FAM117B: variants seen among roughly 807,000 people sequenced by gnomAD.
FAM117B encodes the protein protein FAM117B.
Under a neutral mutation model 52.8 loss-of-function variants are expected in FAM117B, and 22 were observed. The observed-to-expected ratio is 0.42, with a 90% CI of 0.30 to 0.59. The LOEUF (loss-of-function observed/expected upper bound fraction) is 0.59. FAM117B is among the 20% of genes least tolerant of loss of function. The pLI, the probability that FAM117B is intolerant of heterozygous loss-of-function variation, is 0.22. For synonymous variants in FAM117B, 309 were observed against 324.1 expected (o/e 0.95, Z 0.50); for missense variants, 678 against 802.6 (o/e 0.84, Z 1.88).
At chr2:202,763,607 A>G (rs1691932302) in intron 7 of FAM117B, among the ~76,000 whole-genome samples, 1 of 152,208 alleles carries the variant, frequency 6.6e-6, no homozygotes, top group Non-Finnish European at 1.5e-5. Context: ...ATGCTCTCAG[A>G]TGATAAAAAT....
chr2:202,640,126 A>G (rs940646766), intron 1 of FAM117B, among the ~76,000 whole-genome samples: 1 of 150,574 alleles, frequency 6.6e-6, no homozygotes, highest in Non-Finnish European at 1.5e-5. Context: ...AAAAAATTAG[A>G]CAGGTGTGGT....
At chr2:202,688,401 T>C (rs1690575752) in intron 1 of FAM117B, among the ~76,000 whole-genome samples, 1 of 152,140 alleles carries the variant, frequency 6.6e-6, no homozygotes, top group South Asian at 2.1e-4. Flanking sequence ...GAAGTTTAGA[T>C]AGTGGATGAA....
At chr2:202,735,106 A>C (rs1212674811) in intron 4 of FAM117B, among the ~76,000 whole-genome samples, 1 of 152,160 alleles carries the variant, frequency 6.6e-6, no homozygotes, top group African/African-American at 2.4e-5. Flanking sequence ...GAGTATTACA[A>C]ATGCTTCATT....
chr2:202,679,184 T>A (rs976218884), intron 1 of FAM117B, among the ~76,000 whole-genome samples: 1 of 152,200 alleles, frequency 6.6e-6, no homozygotes, highest in Non-Finnish European at 1.5e-5. Context: ...AGATATTAGA[T>A]TACAGGCATT....
intron 1 of FAM117B, 31 bp downstream of exon 1, chr2:202,635,819 A>T: frequency 7.1e-7 from 1 of 1,398,766 alleles, no homozygotes; most frequent in Non-Finnish European, 9.3e-7. Flanking sequence ...AGCAAGGGGG[A>T]GGCGGCTGCG....
At chr2:202,673,532 C>T (rs998301533) in intron 1 of FAM117B, among the ~76,000 whole-genome samples, 11 of 143,196 alleles carry the variant, frequency 7.7e-5, no homozygotes, top group African/African-American at 2.6e-4. Flanking sequence ...ACTGCAACCT[C>T]CGCCTCCTGG....
At chr2:202,717,486 G>A (rs1691077528) in intron 2 of FAM117B, among the ~76,000 whole-genome samples, 1 of 152,084 alleles carries the variant, frequency 6.6e-6, no homozygotes, top group Non-Finnish European at 1.5e-5. Flanking sequence ...ACAAATCATA[G>A]GTGTTGTAAT....
chr2:202,708,252 C>A (rs1258833855), intron 2 of FAM117B, among the ~76,000 whole-genome samples: 2 of 152,198 alleles, frequency 1.3e-5, no homozygotes, highest in Non-Finnish European at 1.5e-5. Flanking sequence ...CCCTAGCAAT[C>A]ACCATTCCAT....
chr2:202,655,012 G>C (rs1249709090), intron 1 of FAM117B, among the ~76,000 whole-genome samples: 1 of 152,040 alleles, frequency 6.6e-6, no homozygotes, highest in African/African-American at 2.4e-5. Context: ...CCAGGATTAA[G>C]ATTATTTGTT....
chr2:202,673,489 C>T (rs1243433010), intron 1 of FAM117B, among the ~76,000 whole-genome samples: 1 of 113,142 alleles, frequency 8.8e-6, no homozygotes, highest in Non-Finnish European at 1.6e-5. Context: ...GCTCTGTCGT[C>T]CAGGCTGGAG....
At chr2:202,648,522 C>A (rs1486520644) in intron 1 of FAM117B, among the ~76,000 whole-genome samples, 4 of 127,322 alleles carry the variant, frequency 3.1e-5, no homozygotes, top group African/African-American at 1.1e-4. Flanking sequence ...GTCCCCACCC[C>A]CCCCCCAAAA....
At chr2:202,658,999 C>T (rs1329447199) in intron 1 of FAM117B, among the ~76,000 whole-genome samples, 1 of 151,776 alleles carries the variant, frequency 6.6e-6, no homozygotes, top group Non-Finnish European at 1.5e-5. Flanking sequence ...GAGGCTCTTT[C>T]CTGTCTTTTT....
chr2:202,641,479 G>GGAGTTGCCATTT (rs1368049790), intron 1 of FAM117B, among the ~76,000 whole-genome samples: 3 of 152,144 alleles, frequency 2.0e-5, no homozygotes, highest in African/African-American at 7.2e-5. Flanking sequence ...TTCAGACCCT[G>GGAGTTGCCATTT]GAGTTGCCAT....
chr2:202,684,954 G>T (rs1480571921), intron 1 of FAM117B, among the ~76,000 whole-genome samples: 1 of 151,974 alleles, frequency 6.6e-6, no homozygotes, highest in Non-Finnish European at 1.5e-5. Context: ...TTATCTAAGA[G>T]AAAAGAAGGT....
chr2:202,706,168 C>T (rs142777407), intron 2 of FAM117B, among the ~76,000 whole-genome samples: 3 of 152,260 alleles, frequency 2.0e-5, no homozygotes, highest in East Asian at 1.9e-4. Flanking sequence ...GGACTACAGT[C>T]GCATGCCCCC....
intron 1 of FAM117B, among the ~76,000 whole-genome samples, chr2:202,638,698 G>T (rs1326708047): frequency 1.3e-5 from 2 of 152,196 alleles, no homozygotes; most frequent in Non-Finnish European, 2.9e-5. Context: ...GCCAGGCGCG[G>T]TGGCTCACAG....
intron 6 of FAM117B, 67 bp from the exon 7 acceptor site, chr2:202,759,166 T>A: frequency 6.4e-7 from 1 of 1,571,664 alleles, no homozygotes; most frequent in South Asian, 1.2e-5. Context: ...GGTGGGCTAG[T>A]CCAAGAACAA....
At chr2:202,662,557 T>A (rs1168458417) in intron 1 of FAM117B, among the ~76,000 whole-genome samples, 1 of 152,104 alleles carries the variant, frequency 6.6e-6, no homozygotes, top group Non-Finnish European at 1.5e-5. Context: ...AAATGATAAA[T>A]GTTGGCTGGG....
intron 5 of FAM117B, 111 bp from the exon 6 acceptor site, chr2:202,757,102 A>C: frequency 9.3e-7 from 1 of 1,072,734 alleles, no homozygotes; most frequent in Admixed American, 2.6e-5. Flanking sequence ...GTAGGAAGGG[A>C]TTTCTGATTT....
Sources: gnomAD v4.1 joint callset for allele counts (sites outside exome capture counted in the v4.1 genomes callset) on GRCh38, gnomAD v4.1.1 for gene constraint, MANE v1.5 for transcripts, NCBI Gene and HGNC (gene_info 2026-07-23, HGNC 2026-07-21) for gene names.